XKR6: variants seen among roughly 807,000 people sequenced by gnomAD.
The protein encoded by XKR6 is XK-related protein 6.
A neutral mutation model predicts 56.7 loss-of-function variants in XKR6; 22 were observed. The ratio of observed to expected loss-of-function variants is 0.39; its 90% confidence interval spans 0.28 to 0.55. XKR6 has a LOEUF of 0.55. Among genes scored for constraint, XKR6 ranks in the 20% least tolerant of loss-of-function variants. The pLI, the probability that XKR6 is intolerant of heterozygous loss-of-function variation, is 0.66. For missense variants in XKR6, 852 were observed against 889.0 expected, an observed-to-expected ratio of 0.96 and a Z score of 0.53; for synonymous variants, 524 against 387.8, an observed-to-expected ratio of 1.35 and a Z score of -4.13.
intron 1 of XKR6, among the ~76,000 whole-genome samples, chr8:11,090,048 T>C (rs917995184): frequency 2.0e-5 from 3 of 152,212 alleles, no homozygotes; most frequent in African/African-American, 4.8e-5. Flanking sequence ...GACAGTATTA[T>C]AGTATTCTAT....
intron 1 of XKR6, among the ~76,000 whole-genome samples, chr8:11,130,924 G>A (rs1420947353): frequency 6.6e-6 from 1 of 151,982 alleles, no homozygotes; most frequent in East Asian, 1.9e-4. Context: ...CCAAATAGTA[G>A]ATTTTATAGT....
At chr8:10,902,919 C>T (rs926952466) in intron 2 of XKR6, among the ~76,000 whole-genome samples, 2 of 152,210 alleles carry the variant, frequency 1.3e-5, no homozygotes, top group Non-Finnish European at 2.9e-5. Flanking sequence ...CCAAAGTATT[C>T]CCCATTCTAT....
At chr8:11,141,660 G>C (rs1800703316) in intron 1 of XKR6, among the ~76,000 whole-genome samples, 1 of 152,174 alleles carries the variant, frequency 6.6e-6, no homozygotes, top group African/African-American at 2.4e-5. Context: ...CGGCTCCACA[G>C]CTCTCCCCCA....
At chr8:10,959,612 G>T (rs1033620979) in intron 1 of XKR6, among the ~76,000 whole-genome samples, 1 of 152,054 alleles carries the variant, frequency 6.6e-6, no homozygotes, top group African/African-American at 2.4e-5. Context: ...CTTCTTATAT[G>T]GACACTAATC....
At position 11,033,406 on chromosome 8, in the gene XKR6, ATGG is replaced by A. The variant is rs535426198; in HGVS notation, c.765-108579_765-108577del. 4.3e-3 allele frequency among the ~76,000 whole-genome samples: 614 copies of A among 142,224 alleles called. 8 individuals are homozygous for A. The highest frequency in any genetic ancestry group is 6.6e-3 in the Non-Finnish European group (420 of 63,712). The allele number at this position is 142,224 out of a possible 152,430, so 93.3% of individuals were successfully genotyped here. On this transcript the variant is annotated intron_variant, in intron 1 of 2. Coordinates refer to ENST00000416569, the MANE Select transcript of XKR6 (RefSeq NM_173683.4). ...GGTGATGATGATGATGACGATAGTGATGGTGATGATGATGATGATGATGGTGAT... is the reference window on the plus strand; with the variant it reads ...GGTGATGATGATGATGACGATAGTGATGATGATGATGATGATGATGGTGAT...
At position 10,903,815 on chromosome 8, in the gene XKR6, C is replaced by G. The variant is rs1052607937; in HGVS notation, c.962-4899G>C. ...GCTCTGTGACCGCAGCCTGAGCAGA[C>G]GTACACCGTGCGGACAGAACTGTGC... On this transcript the variant is annotated intron_variant, in intron 2 of 2. Transcript: ENST00000416569. 4.6e-5 allele frequency among the ~76,000 whole-genome samples: 7 copies of G among 152,134 alleles called. No individual in the cohort carries two copies. The East Asian group carries it at 9.7e-4, about 21-fold the overall frequency.
chr8:10,942,171 C>T (rs1801402939), intron 1 of XKR6, among the ~76,000 whole-genome samples: 1 of 152,146 alleles, frequency 6.6e-6, no homozygotes, highest in Admixed American at 6.5e-5. Context: ...TCGAACATAC[C>T]ACACACAGTT....
intron 2 of XKR6, among the ~76,000 whole-genome samples, chr8:10,904,768 G>C (rs1037233191): frequency 6.6e-6 from 1 of 152,178 alleles, no homozygotes; most frequent in Admixed American, 6.5e-5. Context: ...ACAGCACCTG[G>C]GGGAAGGCAT....
At chr8:11,110,042 G>A (rs189887613) in intron 1 of XKR6, among the ~76,000 whole-genome samples, 7 of 152,078 alleles carry the variant, frequency 4.6e-5, no homozygotes, top group East Asian at 3.9e-4. Context: ...ACACAATCTC[G>A]GCTTACTGCA....
At chr8:11,004,185 C>T (rs1468525478) in intron 1 of XKR6, among the ~76,000 whole-genome samples, 2 of 151,798 alleles carry the variant, frequency 1.3e-5, no homozygotes, top group African/African-American at 4.9e-5. Flanking sequence ...TTAAAAAGCT[C>T]CTGTGGGGCC....
At chr8:11,131,595 C>T (rs904366058) in intron 1 of XKR6, among the ~76,000 whole-genome samples, 14 of 152,092 alleles carry the variant, frequency 9.2e-5, no homozygotes, top group Non-Finnish European at 1.5e-4. Context: ...TGCCATTAGC[C>T]GCCAGTTCTC....
At chr8:11,081,591 T>C (rs1563123500) in intron 1 of XKR6, among the ~76,000 whole-genome samples, 1 of 152,194 alleles carries the variant, frequency 6.6e-6, no homozygotes, top group Non-Finnish European at 1.5e-5. Flanking sequence ...CACCAGCAGG[T>C]CTGGACAAGT....
intron 1 of XKR6, among the ~76,000 whole-genome samples, chr8:11,131,785 T>C (rs925779577): frequency 6.6e-6 from 1 of 152,152 alleles, no homozygotes; most frequent in East Asian, 1.9e-4. Flanking sequence ...ATACTTACCT[T>C]TGCATTACAA....
intron 1 of XKR6, among the ~76,000 whole-genome samples, chr8:11,117,145 T>G (rs116015674): frequency 6.6e-6 from 1 of 152,232 alleles, no homozygotes; most frequent in African/African-American, 2.4e-5. Flanking sequence ...GATATTTTCA[T>G]GAAAAACTGT....
chr8:10,922,905 G>A (rs1018918020), intron 2 of XKR6, among the ~76,000 whole-genome samples: 17 of 152,182 alleles, frequency 1.1e-4, no homozygotes, highest in Admixed American at 3.3e-4. Context: ...AGCTGGAGCC[G>A]GACATCAAGT....
intron 1 of XKR6, among the ~76,000 whole-genome samples, chr8:11,097,457 A>G (rs1798298110): frequency 6.8e-6 from 1 of 147,354 alleles, no homozygotes; most frequent in Non-Finnish European, 1.5e-5. Flanking sequence ...TGCTGAACAC[A>G]CAGGGCAATA....
chr8:10,963,809 G>A (rs1381485539), intron 1 of XKR6, among the ~76,000 whole-genome samples: 2 of 152,178 alleles, frequency 1.3e-5, no homozygotes, highest in Admixed American at 6.5e-5. Context: ...CTCCCAAAGT[G>A]CTGAGATTCC....
chr8:11,159,538 C>T (rs536667918), intron 1 of XKR6, among the ~76,000 whole-genome samples: 2 of 152,214 alleles, frequency 1.3e-5, no homozygotes, highest in East Asian at 1.9e-4. Context: ...CTGGACCCAT[C>T]CCCATTCCCT....
chr8:11,083,638 GA>G (rs1248068918), intron 1 of XKR6, among the ~76,000 whole-genome samples: 1 of 152,180 alleles, frequency 6.6e-6, no homozygotes, highest in Non-Finnish European at 1.5e-5. Context: ...AGTTCATAGA[GA>G]AAAAGCCAAA....
Sources: gnomAD v4.1 joint callset for allele counts (sites outside exome capture counted in the v4.1 genomes callset) on GRCh38, gnomAD v4.1.1 for gene constraint, MANE v1.5 for transcripts, NCBI Gene and HGNC (gene_info 2026-07-23, HGNC 2026-07-21) for gene names.